The following NDUFA10 variants were observed in gnomAD, a reference collection of about 807,000 sequenced individuals.
NDUFA10 encodes NADH dehydrogenase [ubiquinone] 1 alpha subcomplex subunit 10, mitochondrial.
In NDUFA10, 40 loss-of-function variants were observed where a neutral mutation model predicts 47.8. The observed-to-expected ratio is 0.84, with a 90% CI of 0.65 to 1.09. The LOEUF is 1.09. Among genes scored for constraint, NDUFA10 ranks in the 50% least tolerant of loss-of-function variants. NDUFA10 has a pLI of 0.00. For missense variants in NDUFA10, 413 were observed against 451.1 expected, an observed-to-expected ratio of 0.92 and a Z score of 0.76; for synonymous variants, 183 against 172.2, an observed-to-expected ratio of 1.06 and a Z score of -0.49.
chr2:239,996,731 G>A (rs1223471682), intron 8 of NDUFA10, among the ~76,000 whole-genome samples: 2 of 151,840 alleles, frequency 1.3e-5, no homozygotes, highest in East Asian at 3.9e-4. Flanking sequence ...ACCCATGGCT[G>A]TATTCAGCCC....
At chr2:239,915,415 T>TACAC (rs1386609440) in intron 4 of NDUFA10, among the ~76,000 whole-genome samples, 2 of 31,076 alleles carry the variant, frequency 6.4e-5, no homozygotes, top group Admixed American at 3.3e-4. Flanking sequence ...AACACACACA[T>TACAC]ACACAGACAC....
In NDUFA10 at chr2:239,906,200, C is replaced by A. The variant is rs909891045; in HGVS notation, c.295-10886G>T. Among the ~76,000 whole-genome samples the A allele has an allele frequency of 6.6e-6, 1 of 152,136 alleles. No homozygotes were observed. Among genetic ancestry groups the A allele is most frequent in the African/African-American group, 2.4e-5 (1 of 41,398 alleles). ...ACACCTTTTAACAAGAACCCCCGGC[C>A]CTCCAGGTGGTTGGAAATATTACCC... On this transcript the variant is annotated intron_variant, in intron 4 of 5. Transcript: ENST00000419408. The surrounding 1 kb of genome is among the most constrained non-coding windows in gnomAD (Gnocchi z 4.3).
intron 4 of NDUFA10, among the ~76,000 whole-genome samples, chr2:239,932,189 C>T (rs1405167650): frequency 6.6e-6 from 1 of 152,106 alleles, no homozygotes; most frequent in Non-Finnish European, 1.5e-5. Flanking sequence ...ATTGAATAGA[C>T]ATCTTTATAT....
intron 4 of NDUFA10, among the ~76,000 whole-genome samples, chr2:239,950,797 A>ATTG (rs1694538732): frequency 6.6e-6 from 1 of 152,172 alleles, no homozygotes; most frequent in African/African-American, 2.4e-5. Context: ...CTGCAGCTTC[A>ATTG]TCCCAGTGTC....
intron 4 of NDUFA10, among the ~76,000 whole-genome samples, chr2:239,949,452 G>A (rs1469823284): frequency 6.6e-6 from 1 of 152,168 alleles, no homozygotes; most frequent in African/African-American, 2.4e-5. Flanking sequence ...CCAGTCCACT[G>A]GGGGTCTGGA....
intron 5 of NDUFA10, 191 bp downstream of exon 5, chr2:240,014,548 T>C (rs1574890519): frequency 3.6e-6 from 3 of 837,262 alleles, no homozygotes; most frequent in Non-Finnish European, 5.7e-6. Context: ...CCGCAGGCTG[T>C]GGCACCAGGC....
intron 9 of NDUFA10, among the ~76,000 whole-genome samples, chr2:239,980,409 G>A (rs571583331): frequency 1.3e-5 from 2 of 152,274 alleles, no homozygotes; most frequent in African/African-American, 2.4e-5. Flanking sequence ...AAATTAAAAG[G>A]CAAGAATTCT....
intron 9 of NDUFA10, among the ~76,000 whole-genome samples, chr2:239,984,069 C>A (rs1695903112): frequency 6.6e-6 from 1 of 151,946 alleles, no homozygotes; most frequent in Non-Finnish European, 1.5e-5. Context: ...CCCATCTCTA[C>A]TAAAAATACA....
At chr2:239,991,352 G>A (rs1696239741) in intron 8 of NDUFA10, among the ~76,000 whole-genome samples, 1 of 152,154 alleles carries the variant, frequency 6.6e-6, no homozygotes, top group Non-Finnish European at 1.5e-5. Flanking sequence ...CTGCTGCCAG[G>A]ATAACAATGA....
intron 4 of NDUFA10, among the ~76,000 whole-genome samples, chr2:239,918,757 G>T (rs958079778): frequency 2.0e-5 from 3 of 152,176 alleles, no homozygotes; most frequent in Non-Finnish European, 4.4e-5. Context: ...TTGGGACCAC[G>T]CATGGTGACT....
chr2:239,972,373 C>T (rs1695338785), intron 9 of NDUFA10, among the ~76,000 whole-genome samples: 1 of 152,116 alleles, frequency 6.6e-6, no homozygotes, highest in African/African-American at 2.4e-5. Flanking sequence ...ACTGGCTCCC[C>T]TCTCTCTAGA....
intron 9 of NDUFA10, among the ~76,000 whole-genome samples, chr2:239,973,114 C>T (rs1056901479): frequency 6.6e-6 from 1 of 152,224 alleles, no homozygotes; most frequent in Admixed American, 6.5e-5. Context: ...TACAGATTAA[C>T]GCCGAGTTTC....
chr2:239,915,031 CACACACAGAACACACACATACACAG>C (rs1368732551), intron 4 of NDUFA10, among the ~76,000 whole-genome samples: 4 of 144,748 alleles, frequency 2.8e-5, no homozygotes, highest in Non-Finnish European at 1.5e-5. Context: ...GATACACATA[CACACACAGAACACACACATACACAG>C]ACACACACAA....
At chr2:240,020,241 C>T (rs1697564743) in intron 3 of NDUFA10, among the ~76,000 whole-genome samples, 1 of 152,160 alleles carries the variant, frequency 6.6e-6, no homozygotes, top group Non-Finnish European at 1.5e-5. Context: ...ACCCTAGTGG[C>T]GGCTGAGCTT....
At chr2:239,950,201 C>A (rs1412116019) in intron 4 of NDUFA10, among the ~76,000 whole-genome samples, 1 of 152,184 alleles carries the variant, frequency 6.6e-6, no homozygotes, top group Non-Finnish European at 1.5e-5. Flanking sequence ...GGTCCACCCT[C>A]AGCAGTACAG....
At chr2:240,022,540 T>C (rs1021568169) in intron 1 of NDUFA10, among the ~76,000 whole-genome samples, 200 bp from the exon 2 acceptor site, 11 of 152,088 alleles carry the variant, frequency 7.2e-5, no homozygotes, top group African/African-American at 2.2e-4. Context: ...AAGGCAGATA[T>C]ACTGTCTGTT....
chr2:240,012,391 G>A (rs1234652511), intron 5 of NDUFA10: 3 of 158,962 alleles, frequency 1.9e-5, no homozygotes, highest in Non-Finnish European at 4.2e-5. Flanking sequence ...ATCAGCATAT[G>A]AGCTCACGGG....
chr2:239,961,965 C>T (rs2106394798), intron 9 of NDUFA10, among the ~76,000 whole-genome samples: 1 of 152,320 alleles, frequency 6.6e-6, no homozygotes, highest in East Asian at 1.9e-4. Context: ...GCCAACCTCA[C>T]AGGGCACAGG....
intron 4 of NDUFA10, among the ~76,000 whole-genome samples, chr2:239,905,157 G>A (rs529763187): frequency 6.6e-6 from 1 of 152,320 alleles, no homozygotes; most frequent in South Asian, 2.1e-4. Context: ...TCCCAGCCCA[G>A]GGGGTTGAAC....
Sources: allele counts gnomAD v4.1 joint callset (sites outside exome capture counted in the v4.1 genomes callset), GRCh38; gene constraint gnomAD v4.1.1; non-coding constraint Gnocchi (gnomAD v3.1); transcripts MANE v1.5; gene names NCBI Gene and HGNC (gene_info 2026-07-23, HGNC 2026-07-21).